Variants in PRKCA observed in about 807,000 individuals in gnomAD.
PRKCA encodes the protein protein kinase C alpha type.
Under a neutral mutation model 87.0 loss-of-function variants are expected in PRKCA, and 27 were observed. The observed-to-expected ratio is 0.31, with a 90% CI of 0.23 to 0.43. The LOEUF is 0.43. Among genes scored for constraint, PRKCA ranks in the 20% least tolerant of loss-of-function variants. The pLI, the probability that PRKCA is intolerant of heterozygous loss-of-function variation, is 1.00. For synonymous variants in PRKCA, 329 were observed against 311.1 expected (o/e 1.06, Z -0.61); for missense variants, 518 against 852.3 (o/e 0.61, Z 4.88).
intron 14 of PRKCA, chr17:66,774,274 C>T: frequency 1.4e-6 from 2 of 1,408,998 alleles, no homozygotes. Context: ...CATAGAAACT[C>T]CAAATTGAAA....
rs181591395 is a variant in PRKCA, at chr17:66,596,225, C to T, written c.289-45130C>T. Among the ~76,000 whole-genome samples the T allele has an allele frequency of 5.1e-4, 78 of 152,264 alleles. 1 individual carries two copies. The highest frequency in any genetic ancestry group is 3.3e-3 in the South Asian group (16 of 4,828). ...ATACTTCTTGATGGGTACCTTCTGG[C>T]GTATTTACCGCTTTGTAACTTTGCT... On this transcript the variant is annotated intron_variant, in intron 3 of 16. Transcript: ENST00000413366.
At chr17:66,668,173 C>T (rs558534695) in intron 5 of PRKCA, among the ~76,000 whole-genome samples, 5 of 152,316 alleles carry the variant, frequency 3.3e-5, no homozygotes, top group Non-Finnish European at 5.9e-5. Flanking sequence ...ACCTGGGAGG[C>T]ACTCCTTTGC....
chr17:66,779,237 G>A lies in PRKCA; in HGVS notation c.1605+5170G>A, dbSNP rs1046794604. 3.3e-5 allele frequency among the ~76,000 whole-genome samples: 5 copies of A among 152,330 alleles called. No homozygotes were observed. In the East Asian group the frequency reaches 9.6e-4, roughly 29 times the overall value. On this transcript the variant is annotated intron_variant, in intron 14 of 16. Coordinates refer to ENST00000413366, the MANE Select transcript of PRKCA (RefSeq NM_002737.3). ...GCTGAAGATGAGCAGGAAAAAAATA[G>A]TTTATTGCCATTTTCTTCTCATTTG... is the stretch of plus-strand genomic sequence containing the variant.
At chr17:66,744,617 C>T (rs1974233260) in intron 13 of PRKCA, among the ~76,000 whole-genome samples, 1 of 152,140 alleles carries the variant, frequency 6.6e-6, no homozygotes. Context: ...AAGGTTTGTC[C>T]ATTTGAGTGT....
At chr17:66,418,132 G>A (rs1306918618) in intron 2 of PRKCA, among the ~76,000 whole-genome samples, 2 of 152,172 alleles carry the variant, frequency 1.3e-5, no homozygotes, top group South Asian at 2.1e-4. Flanking sequence ...ACGTGCAGGT[G>A]TGAAGGAAGG....
At chr17:66,664,647 GTTTTTTTTTTTTT>G (rs398031366) in intron 5 of PRKCA, among the ~76,000 whole-genome samples, 2 of 67,788 alleles carry the variant, frequency 3.0e-5, no homozygotes, top group South Asian at 5.8e-4. Context: ...TTTTGCTTTG[GTTTTTTTTTTTTT>G]TTTTTTTTTT....
At chr17:66,694,528 G>A (rs182639601) in intron 8 of PRKCA, among the ~76,000 whole-genome samples, 134 of 134,882 alleles carry the variant, frequency 9.9e-4, no homozygotes, top group African/African-American at 3.4e-3. Context: ...TAAACCACAC[G>A]AAGAATCAAC....
intron 3 of PRKCA, among the ~76,000 whole-genome samples, chr17:66,510,547 A>G (rs1444914039): frequency 6.6e-6 from 1 of 152,158 alleles, no homozygotes; most frequent in African/African-American, 2.4e-5. Flanking sequence ...AAAGGGAGAA[A>G]TGGAGAGAGC....
chr17:66,413,219 C>T (rs1270694259), intron 2 of PRKCA, among the ~76,000 whole-genome samples: 3 of 152,196 alleles, frequency 2.0e-5, no homozygotes, highest in Admixed American at 2.0e-4. Context: ...AGTTCATCTA[C>T]TAGGGCAGCT....
intron 3 of PRKCA, among the ~76,000 whole-genome samples, chr17:66,587,751 ATATG>A (rs1249968947): frequency 2.6e-5 from 2 of 77,040 alleles, no homozygotes; most frequent in African/African-American, 1.0e-4. Context: ...ATATGTGTGT[ATATG>A]TATACATATA....
At chr17:66,640,053 C>T (rs945751875) in intron 3 of PRKCA, among the ~76,000 whole-genome samples, 2 of 151,944 alleles carry the variant, frequency 1.3e-5, no homozygotes, top group African/African-American at 2.4e-5. Context: ...GAAGCAGAGG[C>T]GCTTATCTGC....
rs771254942 is a variant in PRKCA at position 66,496,192 on chromosome 17, C to T, written c.206-9C>T. ...CTATTCTAATTTTAGTTTCCTTTTT[C>T]TCTACCAGTTTGCTGTTTTGTGGTC... is the stretch of plus-strand genomic sequence containing the variant. On this transcript the variant is annotated splice_polypyrimidine_tract_variant and intron_variant, in intron 2 of 16. Coordinates refer to ENST00000413366, the MANE Select transcript of PRKCA (RefSeq NM_002737.3). The T allele has an allele frequency of 4.4e-6, 7 of 1,608,882 alleles. No homozygotes were observed. The highest frequency in any genetic ancestry group is 1.6e-4 in the Middle Eastern group (1 of 6,066).
chr17:66,545,467 A>G (rs1182118398), intron 3 of PRKCA, among the ~76,000 whole-genome samples: 2 of 152,176 alleles, frequency 1.3e-5, no homozygotes, highest in African/African-American at 4.8e-5. Context: ...GTATGACTTT[A>G]CTTTAAAAAA....
chr17:66,616,680 A>G (rs1970525330), intron 3 of PRKCA, among the ~76,000 whole-genome samples: 1 of 152,218 alleles, frequency 6.6e-6, no homozygotes, highest in Non-Finnish European at 1.5e-5. Flanking sequence ...AGTGGAGTCT[A>G]CACTGCAGTG....
At chr17:66,602,874 A>G (rs1970090974) in intron 3 of PRKCA, among the ~76,000 whole-genome samples, 1 of 152,078 alleles carries the variant, frequency 6.6e-6, no homozygotes, top group African/African-American at 2.4e-5. Context: ...CTGCAGTGGG[A>G]AGGAGCTTGG....
At chr17:66,497,038 C>G (rs1266522311) in intron 3 of PRKCA, among the ~76,000 whole-genome samples, 2 of 152,210 alleles carry the variant, frequency 1.3e-5, no homozygotes, top group Non-Finnish European at 2.9e-5. Context: ...CCAGGGGATT[C>G]TTGCTGCCTT....
chr17:66,745,154 T>G (rs910802806), intron 13 of PRKCA, among the ~76,000 whole-genome samples: 1 of 152,236 alleles, frequency 6.6e-6, no homozygotes. Context: ...GGACTTAGTC[T>G]ATCACACTTG....
At chr17:66,534,624 G>A (rs1381601111) in intron 3 of PRKCA, among the ~76,000 whole-genome samples, 2 of 152,078 alleles carry the variant, frequency 1.3e-5, no homozygotes, top group East Asian at 1.9e-4. Flanking sequence ...CCGAGATCAC[G>A]CCACTGCACT....
chr17:66,629,843 A>G (rs188416794), intron 3 of PRKCA, among the ~76,000 whole-genome samples: 1 of 152,276 alleles, frequency 6.6e-6, no homozygotes, highest in Admixed American at 6.5e-5. Flanking sequence ...AATTTCACGG[A>G]ACTACACACA....
Sources: allele counts gnomAD v4.1 joint callset (sites outside exome capture counted in the v4.1 genomes callset), GRCh38; gene constraint gnomAD v4.1.1; transcripts MANE v1.5; gene names NCBI Gene and HGNC (gene_info 2026-07-23, HGNC 2026-07-21).